The following NOS1AP variants were observed in gnomAD, a reference collection of about 807,000 sequenced individuals.
The protein encoded by NOS1AP is carboxyl-terminal PDZ ligand of neuronal nitric oxide synthase protein.
Under a neutral mutation model 56.2 loss-of-function variants are expected in NOS1AP, and 21 were observed. That is an observed-to-expected ratio of 0.37 (90% confidence interval 0.26 to 0.54). NOS1AP has a LOEUF of 0.54. Ranked by LOEUF, NOS1AP falls within the 20% of genes least tolerant of loss-of-function variation. NOS1AP has a pLI of 0.84. For synonymous variants in NOS1AP, 270 were observed against 274.6 expected (o/e 0.98, Z 0.17); for missense variants, 522 against 657.8 (o/e 0.79, Z 2.26).
intron 2 of NOS1AP, among the ~76,000 whole-genome samples, chr1:162,158,655 C>T (rs1009963435): frequency 2.0e-5 from 3 of 152,148 alleles, no homozygotes; most frequent in South Asian, 2.1e-4. Flanking sequence ...AGTGTTAGAA[C>T]GAAGACCAAA....
chr1:162,131,353 T>C (rs1648740013), intron 1 of NOS1AP, among the ~76,000 whole-genome samples: 1 of 151,682 alleles, frequency 6.6e-6, no homozygotes, highest in African/African-American at 2.4e-5. Context: ...GCTAATATAA[T>C]AAAGACCCTA....
intron 2 of NOS1AP, among the ~76,000 whole-genome samples, chr1:162,230,514 A>G (rs1653088156): frequency 6.6e-6 from 1 of 152,230 alleles, no homozygotes; most frequent in Non-Finnish European, 1.5e-5. Flanking sequence ...TAATTTTTAA[A>G]TTTGGGTAAG....
intron 2 of NOS1AP, among the ~76,000 whole-genome samples, chr1:162,166,308 G>A (rs1650493710): frequency 6.6e-6 from 1 of 152,234 alleles, no homozygotes; most frequent in Admixed American, 6.5e-5. Flanking sequence ...CCAGGCTTGA[G>A]TCTGAACTCA....
rs373038518 is a variant in NOS1AP at position 162,321,816 on chromosome 1, A to G, written c.345-11201A>G. On this transcript the variant is annotated intron_variant, in intron 4 of 9. Coordinates refer to ENST00000361897, the MANE Select transcript of NOS1AP (RefSeq NM_014697.3). ...TGAATTAAAACAGAAACAGAAAACC[A>G]AAGACTGCATGTTCCTACTTACGAA... is the stretch of plus-strand genomic sequence containing the variant. Among the ~76,000 whole-genome samples the G allele has an allele frequency of 1.3e-4, 20 of 151,310 alleles. 1 individual carries two copies. Among genetic ancestry groups the G allele is most frequent in the Admixed American group, 1.1e-3 (17 of 15,190 alleles).
rs756715954 is a variant in NOS1AP, at chr1:162,343,954, C to G, written c.573C>G (p.Asn191Lys). ...DGQEDGESERNSNSSGDPGRQ... is the reference protein window; with the variant it reads ...DGQEDGESERKSNSSGDPGRQ... ...AGGAAGATGGAGAGAGCGAGAGGAA[C>G]AGCAACAGCTCAGGAGACCCAGGTA... The change falls in exon 6 of 10, where the codon AAC becomes AAG. Residue 191 changes from asparagine to lysine, a missense_variant. Transcript: ENST00000361897. 6 of 1,614,040 alleles carry G rather than the reference C, an allele frequency of 3.7e-6. No individual in the cohort carries two copies. The highest frequency in any genetic ancestry group is 5.1e-6 in the Non-Finnish European group (6 of 1,180,030).
intron 4 of NOS1AP, among the ~76,000 whole-genome samples, chr1:162,305,386 T>A (rs1655792220): frequency 6.9e-6 from 1 of 145,132 alleles, no homozygotes. Context: ...CAATTCCTCC[T>A]ATTTTTTTTT....
intron 2 of NOS1AP, among the ~76,000 whole-genome samples, chr1:162,269,184 T>G (rs558273288): frequency 1.3e-4 from 20 of 152,242 alleles, no homozygotes; most frequent in Non-Finnish European, 2.1e-4. Context: ...AAGAGTCATC[T>G]CTGTCACTTA....
intron 2 of NOS1AP, among the ~76,000 whole-genome samples, chr1:162,243,560 A>G (rs1020391645): frequency 6.6e-6 from 1 of 152,144 alleles, no homozygotes; most frequent in Admixed American, 6.5e-5. Flanking sequence ...TTGAAGAGCA[A>G]ATCTCTTCCC....
chr1:162,359,823 T>C (rs1004413883), intron 8 of NOS1AP, among the ~76,000 whole-genome samples: 3 of 152,174 alleles, frequency 2.0e-5, no homozygotes, highest in Non-Finnish European at 2.9e-5. Flanking sequence ...TTTATTAAAC[T>C]ACCAGCAGTC....
intron 4 of NOS1AP, among the ~76,000 whole-genome samples, chr1:162,315,262 T>C (rs1458326061): frequency 6.6e-6 from 1 of 152,226 alleles, no homozygotes; most frequent in Non-Finnish European, 1.5e-5. Flanking sequence ...TTTGGAGCTG[T>C]AGCCCCTGCC....
At chr1:162,087,094 G>A (rs905782436) in intron 1 of NOS1AP, among the ~76,000 whole-genome samples, 3 of 152,074 alleles carry the variant, frequency 2.0e-5, no homozygotes, top group African/African-American at 4.8e-5. Context: ...CAGACAGAGG[G>A]CCTGATATAT....
chr1:162,120,264 A>T (rs1474295598), intron 1 of NOS1AP, among the ~76,000 whole-genome samples: 1 of 152,212 alleles, frequency 6.6e-6, no homozygotes, highest in East Asian at 1.9e-4. Context: ...TACATTCATC[A>T]ATTTTATTTA....
intron 2 of NOS1AP, among the ~76,000 whole-genome samples, chr1:162,210,185 TCAG>T (rs1458602804): frequency 6.6e-6 from 1 of 152,114 alleles, no homozygotes; most frequent in African/African-American, 2.4e-5. Flanking sequence ...CTACATTTCT[TCAG>T]CAACAACTTT....
At chr1:162,194,757 G>C (rs964670456) in intron 2 of NOS1AP, among the ~76,000 whole-genome samples, 4 of 152,156 alleles carry the variant, frequency 2.6e-5, no homozygotes, top group Admixed American at 2.6e-4. Flanking sequence ...GGTTGGGGCT[G>C]AGAGACACAG....
At chr1:162,294,409 G>C (rs540460663) in intron 3 of NOS1AP, among the ~76,000 whole-genome samples, 2 of 152,266 alleles carry the variant, frequency 1.3e-5, no homozygotes, top group South Asian at 4.1e-4. Context: ...TCTGTGGAAA[G>C]CATAACTCCT....
At chr1:162,358,948 A>G (rs970323113) in intron 8 of NOS1AP, among the ~76,000 whole-genome samples, 10 of 152,220 alleles carry the variant, frequency 6.6e-5, no homozygotes, top group African/African-American at 2.2e-4. Flanking sequence ...CTCCAAAGCA[A>G]CAAGACATGT....
chr1:162,224,658 A>G (rs528296221), intron 2 of NOS1AP, among the ~76,000 whole-genome samples: 1 of 152,324 alleles, frequency 6.6e-6, no homozygotes, highest in African/African-American at 2.4e-5. Flanking sequence ...ATTGTACTGA[A>G]CAAGAAGACA....
intron 1 of NOS1AP, among the ~76,000 whole-genome samples, chr1:162,142,409 T>A (rs1649275293): frequency 6.6e-6 from 1 of 152,170 alleles, no homozygotes; most frequent in African/African-American, 2.4e-5. Flanking sequence ...GGTGTGCGTG[T>A]GTTTCTGCGT....
chr1:162,128,219 A>G (rs1417770782), intron 1 of NOS1AP, among the ~76,000 whole-genome samples: 2 of 152,100 alleles, frequency 1.3e-5, no homozygotes, highest in African/African-American at 4.8e-5. Context: ...ATCTAATTTT[A>G]TATTTTCTAA....
Sources: allele counts gnomAD v4.1 joint callset (sites outside exome capture counted in the v4.1 genomes callset), GRCh38; gene constraint gnomAD v4.1.1; transcripts MANE v1.5; gene names NCBI Gene and HGNC (gene_info 2026-07-23, HGNC 2026-07-21).